Variants in HS3ST4 observed in about 807,000 individuals in gnomAD.
The protein encoded by HS3ST4 is heparan sulfate-glucosamine 3-sulfotransferase 4.
Under a neutral mutation model 29.2 loss-of-function variants are expected in HS3ST4, and 17 were observed. The ratio of observed to expected loss-of-function variants is 0.58; its 90% CI spans 0.40 to 0.87. The LOEUF (loss-of-function observed/expected upper bound fraction) is 0.87. Ranked by LOEUF, HS3ST4 falls within the 40% of genes least tolerant of loss-of-function variation. The pLI, the probability that HS3ST4 is intolerant of heterozygous loss-of-function variation, is 0.00. For missense variants in HS3ST4, 627 were observed against 634.5 expected, an observed-to-expected ratio of 0.99 and a Z score of 0.13; for synonymous variants, 314 against 285.7, an observed-to-expected ratio of 1.10 and a Z score of -1.00.
intron 1 of HS3ST4, among the ~76,000 whole-genome samples, chr16:25,894,941 C>T (rs1222596391): frequency 2.6e-5 from 4 of 152,190 alleles, no homozygotes; most frequent in Admixed American, 2.6e-4. Context: ...GCACTTACTG[C>T]ATATCAGGCA....
At chr16:25,863,283 A>G (rs1967657633) in intron 1 of HS3ST4, among the ~76,000 whole-genome samples, 1 of 152,022 alleles carries the variant, frequency 6.6e-6, no homozygotes, top group South Asian at 2.1e-4. Flanking sequence ...GGGTTTCACC[A>G]TGTTGGCCAG....
At chr16:25,704,490 C>T (rs538632663) in intron 1 of HS3ST4, among the ~76,000 whole-genome samples, 23 of 152,184 alleles carry the variant, frequency 1.5e-4, no homozygotes, top group East Asian at 7.7e-4. Context: ...GATGGTGTCT[C>T]GCTCTGTTGC....
intron 1 of HS3ST4, among the ~76,000 whole-genome samples, chr16:26,115,248 T>G (rs966160085): frequency 5.3e-5 from 8 of 149,828 alleles, no homozygotes; most frequent in African/African-American, 2.0e-4. Flanking sequence ...TGTGTGTGTA[T>G]ATATATATAC....
chr16:25,815,970 TAATC>T (rs1364371690), intron 1 of HS3ST4, among the ~76,000 whole-genome samples: 1 of 152,190 alleles, frequency 6.6e-6, no homozygotes, highest in East Asian at 1.9e-4. Flanking sequence ...ATAGATAACA[TAATC>T]AATTTACATG....
intron 1 of HS3ST4, among the ~76,000 whole-genome samples, chr16:25,855,808 A>G (rs1320243424): frequency 6.6e-6 from 1 of 151,790 alleles, no homozygotes; most frequent in Non-Finnish European, 1.5e-5. Flanking sequence ...ACTTTCTTTA[A>G]TCTTATAGTT....
chr16:25,858,268 C>T (rs1011465506), intron 1 of HS3ST4, among the ~76,000 whole-genome samples: 2 of 151,998 alleles, frequency 1.3e-5, no homozygotes, highest in Non-Finnish European at 2.9e-5. Flanking sequence ...TTCACACACA[C>T]ATCTTTCACT....
chr16:25,898,856 G>T (rs75467628), intron 1 of HS3ST4, among the ~76,000 whole-genome samples: 41 of 152,268 alleles, frequency 2.7e-4, no homozygotes, highest in African/African-American at 9.4e-4. Context: ...CAAGACTTAC[G>T]TGAGAATTTA....
intron 1 of HS3ST4, among the ~76,000 whole-genome samples, chr16:25,720,058 G>A (rs1466923333): frequency 6.6e-6 from 1 of 152,042 alleles, no homozygotes; most frequent in Non-Finnish European, 1.5e-5. Flanking sequence ...GTCAGGTGAT[G>A]GTAAATGAAA....
At chr16:25,816,754 T>G (rs749238000) in intron 1 of HS3ST4, among the ~76,000 whole-genome samples, 3 of 152,118 alleles carry the variant, frequency 2.0e-5, no homozygotes, top group Non-Finnish European at 4.4e-5. Context: ...GGCTACGAAG[T>G]CAGAGGTCGA....
Position 25,948,644 on chromosome 16 carries a change from G to C in HS3ST4, c.735-186968G>C, listed in dbSNP as rs1968653960. Among the ~76,000 whole-genome samples, 3 of 152,106 alleles carry C rather than the reference G, an allele frequency of 2.0e-5. No individual in the cohort carries two copies. In the South Asian group the frequency reaches 6.2e-4, roughly 32 times the overall value. On this transcript the variant is annotated intron_variant, in intron 1 of 1. Transcript: ENST00000331351. Reference sequence around the variant, plus strand: ...GTATTGATTCTTGAGTTTAGGTATGGTGTAAAACTCCAGGCATTCCGTAAA... The same window carrying C: ...GTATTGATTCTTGAGTTTAGGTATGCTGTAAAACTCCAGGCATTCCGTAAA...
At chr16:25,971,225 G>A (rs985360006) in intron 1 of HS3ST4, among the ~76,000 whole-genome samples, 1 of 151,516 alleles carries the variant, frequency 6.6e-6, no homozygotes, top group Non-Finnish European at 1.5e-5. Flanking sequence ...ACCAACATTT[G>A]TTACTTGAGG....
At chr16:25,700,759 C>G (rs1011470576) in intron 1 of HS3ST4, among the ~76,000 whole-genome samples, 1 of 152,162 alleles carries the variant, frequency 6.6e-6, no homozygotes, top group Non-Finnish European at 1.5e-5. Flanking sequence ...GAATTGCGTT[C>G]TGAAATTATA....
intron 1 of HS3ST4, among the ~76,000 whole-genome samples, chr16:25,851,024 G>T (rs551383589): frequency 2.6e-5 from 4 of 152,192 alleles, no homozygotes; most frequent in Non-Finnish European, 4.4e-5. Flanking sequence ...AATTCTAAGC[G>T]GTTGGAGTCT....
chr16:25,723,773 A>G (rs1347864840), intron 1 of HS3ST4, among the ~76,000 whole-genome samples: 1 of 152,044 alleles, frequency 6.6e-6, no homozygotes, highest in Non-Finnish European at 1.5e-5. Flanking sequence ...TGTTCTTTAT[A>G]TTTATGTCTT....
chr16:25,991,999 C>T (rs185942720), intron 1 of HS3ST4, among the ~76,000 whole-genome samples: 31 of 152,054 alleles, frequency 2.0e-4, no homozygotes, highest in African/African-American at 5.5e-4. Context: ...CCGGCCTGGG[C>T]GACAGAGCGA....
At position 26,133,091 on chromosome 16, in the gene HS3ST4, A is replaced by G. The variant is rs376015633; in HGVS notation, c.735-2521A>G. On this transcript the variant is annotated intron_variant, in intron 1 of 1. Transcript: ENST00000331351. ...ACTTTTTTCTAGATCAGTTCCTTAG[A>G]TACCATGTTTTCCTGCCTTTTCCAT... 3.9e-5 allele frequency among the ~76,000 whole-genome samples: 6 copies of G among 152,242 alleles called. No individual in the cohort carries two copies. The East Asian group carries it at 1.2e-3, about 29-fold the overall frequency.
intron 1 of HS3ST4, among the ~76,000 whole-genome samples, chr16:25,918,856 C>G (rs1045251803): frequency 1.9e-4 from 29 of 152,048 alleles, no homozygotes; most frequent in African/African-American, 7.0e-4. Flanking sequence ...TGCCATATGC[C>G]TTGTAGGGGT....
chr16:25,825,037 A>G (rs1967201673), intron 1 of HS3ST4, among the ~76,000 whole-genome samples: 9 of 152,228 alleles, frequency 5.9e-5, no homozygotes, highest in Admixed American at 5.9e-4. Context: ...GATCGTTGTC[A>G]TTACAAGAAG....
rs139713071 is a variant in HS3ST4 at position 25,952,771 on chromosome 16, C to T, written c.735-182841C>T. Among the ~76,000 whole-genome samples the T allele has an allele frequency of 9.2e-5, 14 of 152,302 alleles. No homozygotes were observed. In the East Asian group the frequency reaches 1.2e-3, roughly 13 times the overall value. On this transcript the variant is annotated intron_variant, in intron 1 of 1. Transcript: ENST00000331351. ...ATCTTTAAAATGGTGCCAAACCCGC[C>T]TCATACAGGGCTTGGGAATTTTACA... is the stretch of plus-strand genomic sequence containing the variant.
Sources: gnomAD v4.1 joint callset for allele counts (sites outside exome capture counted in the v4.1 genomes callset) on GRCh38, gnomAD v4.1.1 for gene constraint, MANE v1.5 for transcripts, NCBI Gene and HGNC (gene_info 2026-07-23, HGNC 2026-07-21) for gene names.